The following MTCL1 variants were observed in gnomAD, a reference collection of about 807,000 sequenced individuals.
MTCL1 encodes the protein microtubule crosslinking factor 1.
Under a neutral mutation model 141.4 loss-of-function variants are expected in MTCL1, and 79 were observed. That is an observed-to-expected ratio of 0.56 (90% CI 0.47 to 0.67). The LOEUF (loss-of-function observed/expected upper bound fraction) is 0.67. MTCL1 is among the 30% of genes least tolerant of loss of function. MTCL1 has a pLI of 0.00. For synonymous variants in MTCL1, 914 were observed against 875.8 expected (o/e 1.04, Z -0.77); for missense variants, 2,177 against 2,113.9 (o/e 1.03, Z -0.59).
chr18:8,777,113 A>G (rs892850849), intron 4 of MTCL1, among the ~76,000 whole-genome samples: 12 of 152,050 alleles, frequency 7.9e-5, no homozygotes, highest in Non-Finnish European at 1.5e-4. Flanking sequence ...GCAGGTGCCT[A>G]TAGTCCCAGC....
At chr18:8,742,917 T>C (rs1041268761) in intron 4 of MTCL1, among the ~76,000 whole-genome samples, 17 of 152,212 alleles carry the variant, frequency 1.1e-4, no homozygotes, top group Non-Finnish European at 1.5e-5. Flanking sequence ...CATGCACCAC[T>C]CATGGACCTG....
rs1208612982 is a variant in MTCL1 at position 8,830,131 on chromosome 18, G to C, written c.*18+1167G>C. 1.0e-6 allele frequency: 1 copy of C among 985,502 alleles called. No individual in the cohort carries two copies. Among genetic ancestry groups the C allele is most frequent in the Non-Finnish European group, 1.2e-6 (1 of 830,028 alleles). The allele number at this position is 985,502 out of a possible 1,614,324, so 61.0% of individuals were successfully genotyped here. A position where few individuals can be genotyped will look rare whatever the true frequency, so the allele number is the denominator to read the frequency against. On this transcript the variant is annotated intron_variant, in intron 16 of 16. Transcript: ENST00000359865. This position sits in a 1 kb window ranked among gnomAD's most constrained non-coding sequence, Gnocchi z 6.4. ...AAAACACACAGATTTCCCAAACCGT[G>C]TGTCCCAGTCAAGCACTGTGGGCTG...
At chr18:8,821,768 T>C (rs1265449152) in intron 14 of MTCL1, among the ~76,000 whole-genome samples, 1 of 152,220 alleles carries the variant, frequency 6.6e-6, no homozygotes, top group Non-Finnish European at 1.5e-5. Context: ...AAAGGAATGC[T>C]TGTGTTGAGT....
At chr18:8,802,524 C>T (rs1012691318) in intron 10 of MTCL1, among the ~76,000 whole-genome samples, 11 of 152,178 alleles carry the variant, frequency 7.2e-5, no homozygotes, top group African/African-American at 4.8e-5. Flanking sequence ...ATCACAGATA[C>T]CTTGATACGT....
chr18:8,757,655 G>A (rs1008952637), intron 4 of MTCL1, among the ~76,000 whole-genome samples: 8 of 152,132 alleles, frequency 5.3e-5, no homozygotes, highest in Admixed American at 2.6e-4. Flanking sequence ...GCAGAAGCAC[G>A]TCTATGGCAA....
chr18:8,720,815 A>G (rs1313510891), intron 4 of MTCL1, among the ~76,000 whole-genome samples: 6 of 150,760 alleles, frequency 4.0e-5, no homozygotes, highest in African/African-American at 1.5e-4. Context: ...GTCTAAAGCT[A>G]GTTTTTGTAA....
chr18:8,732,672 A>G (rs992168889), intron 4 of MTCL1, among the ~76,000 whole-genome samples: 16 of 152,210 alleles, frequency 1.1e-4, no homozygotes, highest in Non-Finnish European at 2.2e-4. Context: ...GCCCAACTGA[A>G]TGTCTCCCTG....
chr18:8,813,029 G>A lies in MTCL1; in HGVS notation c.2655G>A (p.Glu885=), dbSNP rs775247198. The change falls in exon 12 of 17, where the codon GAG becomes GAA. Residue 885 remains glutamate (E), a synonymous_variant. Coordinates refer to ENST00000359865, the Ensembl canonical transcript of MTCL1. ...TGGGAGAACTAGGCTCCTCCGCTGA[G>A]AGCAAGGGGGCCTTGAAGAAGGAGA... The A allele has an allele frequency of 3.7e-6, 6 of 1,614,212 alleles. No homozygotes were observed. The South Asian group carries it at 5.5e-5, about 15-fold the overall frequency.
intron 4 of MTCL1, among the ~76,000 whole-genome samples, chr18:8,732,238 C>T (rs922481270): frequency 2.6e-5 from 4 of 152,160 alleles, no homozygotes; most frequent in African/African-American, 9.6e-5. Flanking sequence ...GCGTGTGCCA[C>T]CACACCCGGC....
At chr18:8,776,722 G>T (rs191075733) in intron 4 of MTCL1, among the ~76,000 whole-genome samples, 6 of 142,776 alleles carry the variant, frequency 4.2e-5, no homozygotes, top group South Asian at 2.3e-4. Flanking sequence ...GGAAACACTA[G>T]TTATTTATTT....
chr18:8,799,984 G>A (rs992974527), intron 10 of MTCL1, among the ~76,000 whole-genome samples: 2 of 152,242 alleles, frequency 1.3e-5, no homozygotes, highest in African/African-American at 4.8e-5. Flanking sequence ...ATAGAAGCAC[G>A]TGGCGGGGTG....
chr18:8,718,690 G>A (rs929601835), intron 3 of MTCL1, 42 bp downstream of exon 2: 1 of 1,588,292 alleles, frequency 6.3e-7, no homozygotes, highest in Non-Finnish European at 8.6e-7. Flanking sequence ...AGGCTGCTGT[G>A]GACCGGCTGG....
At chr18:8,791,364 G>A (rs144515331) in intron 7 of MTCL1, among the ~76,000 whole-genome samples, 1 of 151,254 alleles carries the variant, frequency 6.6e-6, no homozygotes, top group East Asian at 1.9e-4. Flanking sequence ...CCAAAGAAAG[G>A]GATTTATGTT....
exon 6 of MTCL1, chr18:8,784,714 C>T (rs149080636): frequency 6.5e-5 from 105 of 1,614,078 alleles, no homozygotes; most frequent in Non-Finnish European, 8.4e-5. Context: ...AGCAGGTGAA[C>T]CGCATTGGGG....
At chr18:8,777,268 T>C (rs971616308) in intron 4 of MTCL1, among the ~76,000 whole-genome samples, 1 of 152,142 alleles carries the variant, frequency 6.6e-6, no homozygotes, top group Admixed American at 6.5e-5. Flanking sequence ...CAAAATTCTT[T>C]TTTGTGGAGA....
intron 1 of MTCL1, among the ~76,000 whole-genome samples, chr18:8,710,875 CTTT>C (rs1221391279): frequency 2.4e-5 from 1 of 41,800 alleles, no homozygotes; most frequent in South Asian, 7.8e-4. Context: ...TTTCTTTTTT[CTTT>C]TTTTTTTTAC....
At position 8,785,906 on chromosome 18, in the gene MTCL1, A is replaced by G. The variant is rs779422016; in HGVS notation, c.1732-30A>G. 1.1e-5 allele frequency: 17 copies of G among 1,541,062 alleles called. No individual in the cohort carries two copies. In the African/African-American group the frequency reaches 2.1e-4, roughly 19 times the overall value. ...TTTGTTTAAAATTTTAAAGAACAACAACAACAAATTCCTCCCGTGCACCTA... is the reference window on the plus strand; with the variant it reads ...TTTGTTTAAAATTTTAAAGAACAACGACAACAAATTCCTCCCGTGCACCTA... On this transcript the variant is annotated intron_variant, in intron 6 of 16. Transcript: ENST00000359865.
chr18:8,751,781 A>G (rs1365224777), intron 4 of MTCL1, among the ~76,000 whole-genome samples: 1 of 152,204 alleles, frequency 6.6e-6, no homozygotes, highest in Non-Finnish European at 1.5e-5. Flanking sequence ...TGTTATGAAG[A>G]CTAGACGAGG....
intron 4 of MTCL1, among the ~76,000 whole-genome samples, chr18:8,726,484 A>AGG (rs1446691838): frequency 8.7e-6 from 1 of 115,084 alleles, no homozygotes; most frequent in South Asian, 2.6e-4. Context: ...AGAGAGAGAG[A>AGG]GAGAGAGAGA....
Sources: gnomAD v4.1 joint callset for allele counts (sites outside exome capture counted in the v4.1 genomes callset) on GRCh38, gnomAD v4.1.1 for gene constraint, Gnocchi (gnomAD v3.1) non-coding constraint, MANE v1.5 for transcripts, NCBI Gene and HGNC (gene_info 2026-07-23, HGNC 2026-07-21) for gene names.